The following KDR variants were observed in gnomAD, a reference collection of about 807,000 sequenced individuals.
KDR encodes the protein vascular endothelial growth factor receptor 2.
KDR carries 43 observed loss-of-function variants against 160.9 expected under a neutral mutation model. The ratio of observed to expected loss-of-function variants is 0.27; its 90% CI spans 0.21 to 0.34. The LOEUF is 0.34. KDR is among the 10% of genes least tolerant of loss of function. The pLI is 1.00. For synonymous variants in KDR, 617 were observed against 600.1 expected (o/e 1.03, Z -0.41); for missense variants, 1,469 against 1,666.4 (o/e 0.88, Z 2.06).
rs374386254 is a variant in KDR, at chr4:55,098,705, C to T, written c.2365G>A (p.Val789Ile). Reference sequence around the variant, plus strand: ...GGAAATTATTTTTTTACCCGCTTAACGGTCCGTAGGATGATGACAAGAAGT... The same window carrying T: ...GGAAATTATTTTTTTACCCGCTTAATGGTCCGTAGGATGATGACAAGAAGT... ...WLLLVIILRT[V>I]KRANGGELKT... Residue 789 changes from valine to isoleucine, a missense_variant, in exon 16 of 30, where the codon GTT (valine) becomes ATT (isoleucine). Val to Ile is a conservative substitution (Grantham distance 29). Coordinates refer to ENST00000263923, the MANE Select transcript of KDR (RefSeq NM_002253.4). 1.6e-5 allele frequency: 26 copies of T among 1,610,476 alleles called. No individual in the cohort carries two copies. Among genetic ancestry groups the T allele is most frequent in the Middle Eastern group, 3.3e-4 (2 of 6,054 alleles).
At chr4:55,125,161 G>A (rs939403328) in intron 1 of KDR, 66 bp downstream of exon 1, 26 of 1,419,632 alleles carry the variant, frequency 1.8e-5, no homozygotes, top group Non-Finnish European at 2.5e-5. Flanking sequence ...AGTTAGATCT[G>A]GCTTTCAGGT....
At chr4:55,101,789 G>T (rs1720315451) in intron 15 of KDR, 108 bp downstream of exon 15, 2 of 942,914 alleles carry the variant, frequency 2.1e-6, no homozygotes, top group Non-Finnish European at 3.3e-6. Context: ...GAGGATAATG[G>T]CTTCCAGCTC....
At chr4:55,118,201 T>G (rs1158472923) in intron 3 of KDR, among the ~76,000 whole-genome samples, 2 of 152,210 alleles carry the variant, frequency 1.3e-5, no homozygotes, top group Admixed American at 1.3e-4. Flanking sequence ...TCCTATGCAT[T>G]CTTGGGAAAA....
chr4:55,110,690 G>A lies in KDR; in HGVS notation c.1055C>T (p.Ala352Val), dbSNP rs151317075. The change falls in exon 8 of 30, where the codon GCG becomes GTG. Residue 352 changes from alanine (A) to valine (V), a missense_variant. Around this residue, in one of 7 missense-constraint regions of KDR, gnomAD observed 792 missense variants for 840.9 expected, o/e 0.94. Coordinates refer to ENST00000263923, the MANE Select transcript of KDR (RefSeq NM_002253.4). ...TGGGGGTGGGTAACCAAGGTACTTC[G>A]CAGGGATTCTGACACGCTCCCCCAC... ...ATVGERVRIP[A>V]KYLGYPPPEI... 459 of 1,613,304 alleles carry A rather than the reference G, an allele frequency of 2.8e-4. 2 individuals are homozygous for A. In the African/African-American group the frequency reaches 5.0e-3, roughly 18 times the overall value.
At chr4:55,113,802 A>C (rs1016075962) in intron 6 of KDR, among the ~76,000 whole-genome samples, 6 of 152,212 alleles carry the variant, frequency 3.9e-5, no homozygotes, top group Non-Finnish European at 8.8e-5. Flanking sequence ...TTCCCTTAAA[A>C]GGAATGTAGA....
At chr4:55,091,474 C>T (rs183538124) in intron 22 of KDR, among the ~76,000 whole-genome samples, 34 of 152,200 alleles carry the variant, frequency 2.2e-4, no homozygotes, top group Admixed American at 1.7e-3. Context: ...GACTAAGTGG[C>T]GAATTCCGGC....
At chr4:55,090,133 T>A (rs1052592534) in intron 22 of KDR, 55 bp from the exon 23 acceptor site, 1 of 1,606,020 alleles carries the variant, frequency 6.2e-7, no homozygotes, top group South Asian at 1.1e-5. Flanking sequence ...CTCTTTCACA[T>A]CTGTTGTGAC....
At chr4:55,104,371 C>T (rs1720383693) in intron 13 of KDR, among the ~76,000 whole-genome samples, 1 of 152,080 alleles carries the variant, frequency 6.6e-6, no homozygotes, top group Non-Finnish European at 1.5e-5. Flanking sequence ...AATGGATGCC[C>T]AAGATAAGGC....
intron 17 of KDR, 26 bp downstream of exon 17, chr4:55,098,111 C>G (rs777929942): frequency 6.2e-7 from 1 of 1,613,504 alleles, no homozygotes; most frequent in Non-Finnish European, 8.5e-7. Flanking sequence ...AACACAATAT[C>G]AAATTAATAG....
intron 9 of KDR, 148 bp downstream of exon 9, chr4:55,110,255 A>G (rs1205071425): frequency 3.7e-6 from 3 of 813,580 alleles, no homozygotes; most frequent in Non-Finnish European, 6.2e-6. Flanking sequence ...GTTTCACTTC[A>G]GCTTCACCAC....
At chr4:55,124,445 C>T (rs1479321132) in intron 1 of KDR, among the ~76,000 whole-genome samples, 1 of 152,140 alleles carries the variant, frequency 6.6e-6, no homozygotes, top group African/African-American at 2.4e-5. Context: ...GGCACTAAAG[C>T]TAGGTACCAA....
Position 55,107,913 on chromosome 4 carries a change from CTT to C in KDR, c.1256-22_1256-21del. ...GTGGGACTGAAGATGGGAAAAACAA[CTT>C]TTGAATTGTCAGTCAGCTTTGAAGA... On this transcript the variant is annotated intron_variant, in intron 9 of 29. Coordinates refer to ENST00000263923, the MANE Select transcript of KDR (RefSeq NM_002253.4). The C allele has an allele frequency of 6.2e-7, 1 of 1,613,584 alleles. No homozygotes were observed. The highest frequency in any genetic ancestry group is 8.5e-7 in the Non-Finnish European group (1 of 1,179,596).
At position 55,098,073 on chromosome 4, in the gene KDR, T is replaced by C. The variant is rs1720206099; in HGVS notation, c.2509+64A>G. 3.2e-6 allele frequency: 5 copies of C among 1,584,266 alleles called. No homozygotes were observed. In the African/African-American group the frequency reaches 4.0e-5, roughly 13 times the overall value. The stretch of plus-strand genomic sequence containing the variant: ...TCTGAATACACCACATTTGTCATCA[T>C]TCTAATGGAGGAAGAGATGGCCTGG... On this transcript the variant is annotated intron_variant, in intron 17 of 29. Transcript: ENST00000263923.
At chr4:55,100,199 A>C (rs1720274292) in intron 15 of KDR, among the ~76,000 whole-genome samples, 2 of 152,158 alleles carry the variant, frequency 1.3e-5, no homozygotes, top group Admixed American at 6.5e-5. Flanking sequence ...ACTGGTTTGC[A>C]AAATAAGTAA....
chr4:55,092,970 G>C (rs1720056540), intron 21 of KDR, among the ~76,000 whole-genome samples: 1 of 152,122 alleles, frequency 6.6e-6, no homozygotes, highest in South Asian at 2.1e-4. Context: ...GTAGAATAAG[G>C]TAACACTGAC....
rs1720149904 is a variant in KDR, at chr4:55,096,225, T to A, written c.2728+4A>T. 1 of 1,582,224 alleles carries A rather than the reference T, an allele frequency of 6.3e-7. No homozygotes were observed. The highest frequency in any genetic ancestry group is 1.1e-5 in the South Asian group (1 of 90,392). On this transcript the variant is annotated splice_donor_region_variant and intron_variant, in intron 19 of 29. Transcript: ENST00000263923. The stretch of plus-strand genomic sequence containing the variant: ...GGTGACCAAAACCACCCACAGTTAC[T>A]CACCTCCTGGCTTGGTACAGGCACC...
At position 55,104,805 on chromosome 4, in the gene KDR, G is replaced by A. The variant is rs1400764978; in HGVS notation, c.1825C>T (p.Leu609Phe). 1 of 1,613,972 alleles carries A rather than the reference G, an allele frequency of 6.2e-7. No individual in the cohort carries two copies. The highest frequency in any genetic ancestry group is 8.5e-7 in the Non-Finnish European group (1 of 1,179,906). The change falls in exon 13 of 30, where the codon CTT becomes TTT. Residue 609 changes from leucine (L) to phenylalanine (F), a missense_variant. By Grantham distance (22) the Leu-to-Phe change is conservative. This residue lies in a region of KDR where 792 missense variants were observed against 840.9 expected (regional missense o/e 0.94). Transcript: ENST00000263923. ...AACATGGTGGCATTCAATTTCCAAA[G>A]AGTATCCAAGTTCTTGCAAACAGGT... ...PTPVCKNLDT[L>F]WKLNATMFSN...
At chr4:55,080,270 C>T (rs979417289) in intron 29 of KDR, 107 bp from the exon 30 acceptor site, 5 of 909,230 alleles carry the variant, frequency 5.5e-6, no homozygotes, top group Admixed American at 2.0e-5. Flanking sequence ...TCCCTGGAGA[C>T]CGCAGCCCCG....
intron 12 of KDR, 125 bp from the exon 13 acceptor site, chr4:55,105,109 T>C: frequency 2.6e-6 from 2 of 781,868 alleles, no homozygotes; most frequent in Non-Finnish European, 4.3e-6. Context: ...CCAGGTGATG[T>C]ACTACAACTT....
Sources: allele counts gnomAD v4.1 joint callset (sites outside exome capture counted in the v4.1 genomes callset), GRCh38; gene constraint gnomAD v4.1.1; regional missense constraint gnomAD v4.1.1; transcripts MANE v1.5; gene names NCBI Gene and HGNC (gene_info 2026-07-23, HGNC 2026-07-21).